Variants in FLNA observed in about 807,000 individuals in gnomAD.
FLNA encodes the protein filamin A.
FLNA carries 7 observed loss-of-function variants against 157.6 expected under a neutral mutation model. That is an observed-to-expected ratio of 0.04 (90% CI 0.03 to 0.08). The LOEUF (loss-of-function observed/expected upper bound fraction) is 0.08. FLNA is among the 10% of genes least tolerant of loss of function. The pLI is 1.00. For synonymous variants in FLNA, 1,103 were observed against 1,060.8 expected, an observed-to-expected ratio of 1.04 and a Z score of -0.77; for missense variants, 1,750 against 2,398.4, an observed-to-expected ratio of 0.73 and a Z score of 5.65.
intron 28 of FLNA, 31 bp downstream of exon 28, chrX:154,358,168 C>A (rs782571288): frequency 4.2e-6 from 5 of 1,204,541 alleles, no homozygotes; most frequent in Admixed American, 2.2e-5. Context: ...CCCAGGCCCC[C>A]CTGCCTCCCC....
At position 154,357,899 on chromosome X, in the gene FLNA, G is replaced by A. The variant is rs980194012; in HGVS notation, c.4756-276C>T. On this transcript the variant is annotated intron_variant, in intron 28 of 47. Transcript: ENST00000369850. ...TGGCCAGCACTAGGAGGAGCTCACC[G>A]GGGTGATCTCAAGCTTCTATCCTAT... Among the ~76,000 whole-genome samples the A allele has an allele frequency of 3.6e-5, 4 of 112,634 alleles. No homozygotes were observed. In the East Asian group the frequency reaches 1.1e-3, roughly 31 times the overall value.
At chrX:154,369,859 C>T (rs2067792024) in intron 2 of FLNA, among the ~76,000 whole-genome samples, 1 of 112,212 alleles carries the variant, frequency 8.9e-6, no homozygotes, top group South Asian at 3.7e-4. Flanking sequence ...TGGGGGAACC[C>T]AAGTCTTGGT....
At chrX:154,360,725 G>T in intron 21 of FLNA, 138 bp from the exon 22 acceptor site, 1 of 542,478 alleles carries the variant, frequency 1.8e-6, no homozygotes, top group Non-Finnish European at 3.0e-6. Flanking sequence ...CAGGCTGCCT[G>T]CCAGATGGGC....
At chrX:154,362,607 G>T in intron 16 of FLNA, 29 bp from the exon 17 acceptor site, 1 of 1,210,856 alleles carries the variant, frequency 8.3e-7, no homozygotes, top group Non-Finnish European at 1.1e-6. Flanking sequence ...CGGAGGCTGA[G>T]ACCTCGCAGG....
intron 46 of FLNA, 27 bp from the exon 47 acceptor site, chrX:154,349,592 G>C: frequency 8.3e-7 from 1 of 1,210,478 alleles, no homozygotes; most frequent in Non-Finnish European, 1.1e-6. Context: ...GTGGGGCTAA[G>C]AGGTGGCTGT....
In FLNA at chrX:154,353,279, A is replaced by C. The variant is rs1557176179; in HGVS notation, c.6022+17T>G. The stretch of plus-strand genomic sequence containing the variant: ...GCTGCCTCCTTTCTGAACCCCCTGG[A>C]CCCTTCAGCCGCTTACCCACGTGGC... On this transcript the variant is annotated intron_variant, in intron 37 of 47. Coordinates refer to ENST00000369850, the MANE Select transcript of FLNA (RefSeq NM_001110556.2). The C allele has an allele frequency of 8.3e-7, 1 of 1,211,079 alleles. No individual in the cohort carries two copies. Among genetic ancestry groups the C allele is most frequent in the South Asian group, 1.8e-5 (1 of 57,002 alleles).
chrX:154,361,062 A>G (rs1557177918), intron 21 of FLNA, among the ~76,000 whole-genome samples: 7 of 87,351 alleles, frequency 8.0e-5, no homozygotes, highest in African/African-American at 3.5e-4. Flanking sequence ...AAAAAAAAAA[A>G]AAAAAAAAAA....
intron 30 of FLNA, among the ~76,000 whole-genome samples, chrX:154,355,517 G>A (rs902306789): frequency 1.8e-5 from 2 of 113,380 alleles, no homozygotes; most frequent in African/African-American, 3.2e-5. Context: ...CTGCTGCAGC[G>A]TGGGGGGATG....
intron 30 of FLNA, among the ~76,000 whole-genome samples, chrX:154,355,994 C>T (rs1445526492): frequency 3.6e-5 from 4 of 112,523 alleles, no homozygotes; most frequent in Admixed American, 9.3e-5. Flanking sequence ...CACTATCGGC[C>T]GAGGGCTCCT....
rs782493930 is a variant in FLNA at position 154,359,153 on chromosome X, G to A, written c.4305C>T (p.Gly1435=). The part of the protein sequence containing the change: ...NVTYGGHQVP[G]SPFKVPVHDV... The stretch of plus-strand genomic sequence containing the variant: ...CATGCACAGGGACCTTGAAAGGACT[G>A]CCTGAGGGTTGGGGCAAAGGGATGG... Residue 1435 remains glycine (G), a splice_region_variant and synonymous_variant, in exon 26 of 48, where the codon GGC becomes GGT. Coordinates refer to ENST00000369850, the MANE Select transcript of FLNA (RefSeq NM_001110556.2). 8.3e-7 allele frequency: 1 copy of A among 1,211,366 alleles called. No homozygotes were observed. The highest frequency in any genetic ancestry group is 2.2e-5 in the Admixed American group (1 of 46,108).
chrX:154,367,725 G>A lies in FLNA; in HGVS notation c.636C>T (p.Asp212=). 1 of 1,211,118 alleles carries A rather than the reference G, an allele frequency of 8.3e-7. No individual in the cohort carries two copies. ...VDSCAPGLCP[D]WDSWDASKPV... is the part of the protein sequence containing the mutation. ...GCTTGCTGGCGTCCCAAGAGTCCCA[G>A]TCAGGACACAGGCCTGTGGCGCAAG... The change falls in exon 4 of 48, where the codon GAC becomes GAT. Residue 212 remains aspartate, a synonymous_variant. Transcript: ENST00000369850.
At chrX:154,371,981 T>C (rs1462438003) in intron 1 of FLNA, among the ~76,000 whole-genome samples, 1 of 113,869 alleles carries the variant, frequency 8.8e-6, no homozygotes, top group African/African-American at 3.2e-5. Context: ...GGCCTGCGCC[T>C]ACGCGGTCCC....
In FLNA at chrX:154,365,429, C is replaced by T. The variant is rs782539251; in HGVS notation, c.1487G>A (p.Arg496Gln). Residue 496 changes from arginine (R) to glutamine (Q), a missense_variant, in exon 10 of 48, where the codon CGG (arginine) becomes CAG (glutamine). Physicochemically the swap from Arg to Gln is conservative, Grantham distance 43. Around this residue, in one of 5 missense-constraint regions of FLNA, gnomAD observed 648 missense variants for 805.8 expected, o/e 0.80. Transcript: ENST00000369850. ...VGRGLQPKGVRVKETADFKVY... is the reference protein window; with the variant it reads ...VGRGLQPKGVQVKETADFKVY... ...CTTGAAGTCAGCTGTCTCCTTCACC[C>T]GCACACCCTTGGGCTGGAGGCCCCG... 3.3e-6 allele frequency: 4 copies of T among 1,210,479 alleles called. No homozygotes were observed. The highest frequency in any genetic ancestry group is 2.2e-5 in the Admixed American group (1 of 45,994).
Position 154,366,714 on chromosome X carries a change from G to A in FLNA, c.987+18C>T, listed in dbSNP as rs2067764756. The A allele has an allele frequency of 8.4e-7, 1 of 1,197,008 alleles. No homozygotes were observed. Among genetic ancestry groups the A allele is most frequent in the Non-Finnish European group, 1.1e-6 (1 of 881,661 alleles). On this transcript the variant is annotated intron_variant, in intron 6 of 47. Transcript: ENST00000369850. Reference sequence around the variant, plus strand: ...AAGGGAGCGCTGCGGGGCCTCTGCTGCCAGCAGCTGGCCCTACCTCCTCCT... The same window carrying A: ...AAGGGAGCGCTGCGGGGCCTCTGCTACCAGCAGCTGGCCCTACCTCCTCCT...
intron 1 of FLNA, among the ~76,000 whole-genome samples, chrX:154,372,266 C>T (rs1557180522): frequency 8.8e-6 from 1 of 113,370 alleles, no homozygotes; most frequent in African/African-American, 3.2e-5. Flanking sequence ...TCACCCGGGG[C>T]ACTGGGGGGA....
intron 30 of FLNA, among the ~76,000 whole-genome samples, chrX:154,356,979 C>T (rs1045035654): frequency 7.2e-5 from 8 of 111,809 alleles, no homozygotes; most frequent in African/African-American, 2.3e-4. Context: ...TCTCAGGATG[C>T]ACCTCACCCC....
At chrX:154,356,662 G>T (rs782483010) in intron 30 of FLNA, among the ~76,000 whole-genome samples, 92 of 112,427 alleles carry the variant, frequency 8.2e-4, no homozygotes, top group African/African-American at 2.9e-3. Flanking sequence ...GGGGAAGGGG[G>T]AAGGAGGGAG....
chrX:154,366,608 C>T lies in FLNA; in HGVS notation c.1019G>A (p.Arg340His), dbSNP rs371368679. 1.9e-5 allele frequency: 23 copies of T among 1,210,623 alleles called. No individual in the cohort carries two copies. The Admixed American group carries it at 2.0e-4, about 10-fold the overall frequency. ...GGGGACGTACCAGACGGAGAAGGTG[C>T]GGTTCTTGTCGTTATTGGCGGTCAC... ...AKVTANNDKN[R>H]TFSVWYVPEV... Residue 340 changes from arginine (R) to histidine (H), a missense_variant, in exon 7 of 48, where the codon CGC becomes CAC. Arg to His is a conservative substitution (Grantham distance 29). Transcript: ENST00000369850.
Position 154,361,776 on chromosome X carries a change from G to C in FLNA, c.2838C>G (p.Gly946=). The C allele has an allele frequency of 8.3e-7, 1 of 1,202,505 alleles. No homozygotes were observed. The highest frequency in any genetic ancestry group is 1.1e-6 in the Non-Finnish European group (1 of 887,636). The change falls in exon 20 of 48, where the codon GGC becomes GGG. Residue 946 remains glycine (G), a synonymous_variant. Transcript: ENST00000369850. ...KYTPVQQGPV[G]VNVTYGGDPI... The stretch of plus-strand genomic sequence containing the variant: ...GATCCCCTCCATAAGTGACATTGAC[G>C]CCTACTGGACCCTGGGAAGGGTGCA...
Sources: allele counts gnomAD v4.1 joint callset (sites outside exome capture counted in the v4.1 genomes callset), GRCh38; gene constraint gnomAD v4.1.1; regional missense constraint gnomAD v4.1.1; transcripts MANE v1.5; gene names NCBI Gene and HGNC (gene_info 2026-07-23, HGNC 2026-07-21).